The following PASD1 variants were observed in gnomAD, a reference collection of about 807,000 sequenced individuals.
PASD1 encodes the protein PAS domain containing repressor 1, also known as circadian clock protein PASD1.
Under a neutral mutation model 58.8 loss-of-function variants are expected in PASD1, and 13 were observed. The observed-to-expected ratio is 0.22, with a 90% CI of 0.14 to 0.35. PASD1 has a LOEUF of 0.35. Among genes scored for constraint, PASD1 ranks in the 10% least tolerant of loss-of-function variants. The pLI, the probability that PASD1 is intolerant of heterozygous loss-of-function variation, is 1.00. For missense variants in PASD1, 734 were observed against 568.3 expected (o/e 1.29, Z -2.96); for synonymous variants, 236 against 216.7 (o/e 1.09, Z -0.78).
intron 1 of PASD1, among the ~76,000 whole-genome samples, chrX:151,578,080 G>A (rs1047719407): frequency 5.4e-5 from 6 of 111,707 alleles, no homozygotes; most frequent in African/African-American, 2.0e-4. Flanking sequence ...CAAAATGCAT[G>A]CATAGGTGTT....
chrX:151,577,691 A>T lies in PASD1; in HGVS notation c.-28+13852A>T, dbSNP rs761231419. On this transcript the variant is annotated intron_variant, in intron 1 of 15. Coordinates refer to ENST00000370357, the MANE Select transcript of PASD1 (RefSeq NM_173493.3). ...AGGCATCCGCCACCACGCCCAGCAAATTTTTTTTGTATTTTTAGTAGAGAC... is the reference window on the plus strand; with the variant it reads ...AGGCATCCGCCACCACGCCCAGCAATTTTTTTTTGTATTTTTAGTAGAGAC... Among the ~76,000 whole-genome samples, 15 of 110,633 alleles carry T rather than the reference A, an allele frequency of 1.4e-4. No individual in the cohort carries two copies. In the East Asian group the frequency reaches 4.3e-3, roughly 32 times the overall value.
At chrX:151,625,421 T>A in intron 7 of PASD1, 27 bp from the exon 8 acceptor site, 1 of 1,126,578 alleles carries the variant, frequency 8.9e-7, no homozygotes, top group Non-Finnish European at 1.2e-6. Flanking sequence ...ACATATTAAA[T>A]GTCTAAATAT....
At chrX:151,588,473 A>C (rs1279240164) in intron 1 of PASD1, among the ~76,000 whole-genome samples, 1 of 111,392 alleles carries the variant, frequency 9.0e-6, no homozygotes, top group East Asian at 2.8e-4. Flanking sequence ...TGAGTCAAAC[A>C]CTTTCTGGCC....
At chrX:151,599,131 G>A (rs2013362328) in intron 1 of PASD1, among the ~76,000 whole-genome samples, 2 of 111,845 alleles carry the variant, frequency 1.8e-5, no homozygotes, top group African/African-American at 6.5e-5. Flanking sequence ...GAGAGCATGG[G>A]GTTGGGGGTA....
chrX:151,671,330 A>C, intron 12 of PASD1, 134 bp downstream of exon 12: 2 of 796,857 alleles, frequency 2.5e-6, no homozygotes, highest in Non-Finnish European at 1.8e-6. Context: ...TGCTGCCCAC[A>C]GGGTGATATG....
intron 1 of PASD1, among the ~76,000 whole-genome samples, chrX:151,571,209 A>G (rs954311423): frequency 8.9e-6 from 1 of 112,377 alleles, no homozygotes; most frequent in Non-Finnish European, 1.9e-5. Context: ...GATTATTAAA[A>G]TGGAACAAAT....
At position 151,659,836 on chromosome X, in the gene PASD1, G is replaced by C. The variant is rs758114699; in HGVS notation, c.841G>C (p.Ala281Pro). ...VFLDTMPESP[A>P]LSLQDFRGEP... ...CCTGGATACTATGCCTGAATCTCCA[G>C]GTAGGTACATTTATGCATTTGGATA... is the stretch of plus-strand genomic sequence containing the variant. Residue 281 changes from alanine to proline, a missense_variant and splice_region_variant, in exon 10 of 16, where the codon GCC becomes CCC. Ala to Pro is a conservative substitution (Grantham distance 27). Transcript: ENST00000370357. The C allele has an allele frequency of 1.7e-6, 2 of 1,204,064 alleles. No homozygotes were observed. Among genetic ancestry groups the C allele is most frequent in the Non-Finnish European group, 2.2e-6 (2 of 890,773 alleles).
intron 1 of PASD1, among the ~76,000 whole-genome samples, chrX:151,565,751 G>A (rs1602895037): frequency 9.1e-6 from 1 of 110,057 alleles, no homozygotes; most frequent in East Asian, 2.9e-4. Context: ...GTAGAGACGG[G>A]GTTTCACCAT....
At position 151,671,104 on chromosome X, in the gene PASD1, T is replaced by C; in HGVS notation, c.1138T>C (p.Leu380=). The change falls in exon 12 of 16, where the codon TTG becomes CTG. Residue 380 remains leucine, a synonymous_variant. Transcript: ENST00000370357. ...ISQELELMKK[L]KEQLEERTWL... ...CCAGGAACTGGAACTGATGAAGAAGTTGAAGGAGCAGCTAGAAGAGAGGAC... is the reference window on the plus strand; with the variant it reads ...CCAGGAACTGGAACTGATGAAGAAGCTGAAGGAGCAGCTAGAAGAGAGGAC... 8.3e-7 allele frequency: 1 copy of C among 1,211,787 alleles called. No individual in the cohort carries two copies.
At chrX:151,604,805 T>C in intron 3 of PASD1, 71 bp downstream of exon 3, 1 of 851,488 alleles carries the variant, frequency 1.2e-6, no homozygotes, top group Non-Finnish European at 1.7e-6. Flanking sequence ...GAATAGTGTT[T>C]GTCAAAGTGT....
intron 1 of PASD1, among the ~76,000 whole-genome samples, chrX:151,588,279 A>G (rs1451677975): frequency 8.9e-6 from 1 of 112,279 alleles, no homozygotes; most frequent in African/African-American, 3.2e-5. Context: ...TATAACTACA[A>G]ATATATGATG....
In PASD1 at chrX:151,671,793, G is replaced by A. The variant is rs1277546795; in HGVS notation, c.1437+14G>A. The A allele has an allele frequency of 8.4e-7, 1 of 1,185,889 alleles. No individual in the cohort carries two copies. Among genetic ancestry groups the A allele is most frequent in the South Asian group, 1.8e-5 (1 of 56,262 alleles). ...GCCTTCAACCAGGTATGGAAAGGCT[G>A]TTTTAACTGTGTATCTGAAAGGGGA... is the stretch of plus-strand genomic sequence containing the variant. On this transcript the variant is annotated intron_variant, in intron 13 of 15. Transcript: ENST00000370357.
chrX:151,579,543 A>G (rs2013055990), intron 1 of PASD1, among the ~76,000 whole-genome samples: 1 of 112,258 alleles, frequency 8.9e-6, no homozygotes, highest in Middle Eastern at 4.3e-3. Context: ...GGAAAGAGGC[A>G]TAGTGAAATG....
At chrX:151,663,633 A>G (rs1185382570) in intron 10 of PASD1, among the ~76,000 whole-genome samples, 2 of 112,139 alleles carry the variant, frequency 1.8e-5, no homozygotes, top group African/African-American at 6.5e-5. Context: ...GTTTTCAAAA[A>G]TGACTGTACC....
intron 1 of PASD1, among the ~76,000 whole-genome samples, chrX:151,582,272 C>T (rs1444012685): frequency 9.0e-6 from 1 of 110,692 alleles, no homozygotes; most frequent in Non-Finnish European, 1.9e-5. Context: ...CTTGAGCCAC[C>T]GCACCTGGCC....
In PASD1 at chrX:151,672,176, G is replaced by C; in HGVS notation, c.1438-7G>C. The C allele has an allele frequency of 1.8e-6, 2 of 1,142,680 alleles. No individual in the cohort carries two copies. The highest frequency in any genetic ancestry group is 2.3e-6 in the Non-Finnish European group (2 of 864,841). The allele number at this position is 1,142,680 out of a possible 1,213,427, so 94.2% of individuals were successfully genotyped here. A position where few individuals can be genotyped will look rare whatever the true frequency, so the allele number is the denominator to read the frequency against. On this transcript the variant is annotated splice_region_variant and splice_polypyrimidine_tract_variant and intron_variant, in intron 13 of 15. Transcript: ENST00000370357. ...AGGGTGCTTTTATCTGTTGCCTTTC[G>C]ATGCAGCAGCAACTGGTGCAGCAAG...
chrX:151,675,900 A>C, intron 15 of PASD1, 97 bp from the exon 16 acceptor site: 4 of 912,625 alleles, frequency 4.4e-6, no homozygotes, highest in Non-Finnish European at 4.7e-6. Flanking sequence ...ATTTCTCAGC[A>C]GCTTGTGTAT....
At chrX:151,600,886 A>G (rs142288413) in intron 1 of PASD1, among the ~76,000 whole-genome samples, 5 of 112,267 alleles carry the variant, frequency 4.5e-5, no homozygotes, top group Admixed American at 3.8e-4. Flanking sequence ...GATGTTTGCT[A>G]TATTTTAATC....
intron 1 of PASD1, among the ~76,000 whole-genome samples, chrX:151,582,630 T>G (rs2013114216): frequency 9.0e-6 from 1 of 111,528 alleles, no homozygotes; most frequent in Non-Finnish European, 1.9e-5. Flanking sequence ...TGGAATGCAC[T>G]TCAAGATTCT....
Sources: gnomAD v4.1 joint callset for allele counts (sites outside exome capture counted in the v4.1 genomes callset) on GRCh38, gnomAD v4.1.1 for gene constraint, MANE v1.5 for transcripts, NCBI Gene and HGNC (gene_info 2026-07-23, HGNC 2026-07-21) for gene names.